DCAF1: variants seen among roughly 807,000 people sequenced by gnomAD.
DCAF1 encodes the protein DDB1- and CUL4-associated factor 1.
A neutral mutation model predicts 128.0 loss-of-function variants in DCAF1; 15 were observed. The observed-to-expected ratio is 0.12, with a 90% CI of 0.08 to 0.18. The LOEUF (loss-of-function observed/expected upper bound fraction) is 0.18. Among genes scored for constraint, DCAF1 ranks in the 10% least tolerant of loss-of-function variants. DCAF1 has a pLI of 1.00. For synonymous variants in DCAF1, 610 were observed against 603.0 expected (o/e 1.01, Z -0.17); for missense variants, 988 against 1,649.5 (o/e 0.60, Z 6.95).
intron 9 of DCAF1, among the ~76,000 whole-genome samples, chr3:51,439,638 T>C (rs769803152): frequency 6.6e-6 from 1 of 152,084 alleles, no homozygotes; most frequent in Non-Finnish European, 1.5e-5. Context: ...ACTCATTTTC[T>C]GGTTTCTATT....
intron 3 of DCAF1, among the ~76,000 whole-genome samples, chr3:51,471,427 C>A (rs527529244): frequency 6.6e-6 from 1 of 151,978 alleles, no homozygotes; most frequent in South Asian, 2.1e-4. Flanking sequence ...TCGTGATCCA[C>A]CCGCCTCAGC....
intron 13 of DCAF1, among the ~76,000 whole-genome samples, chr3:51,422,831 A>G (rs1305425738): frequency 6.6e-6 from 1 of 152,290 alleles, no homozygotes; most frequent in East Asian, 1.9e-4. Flanking sequence ...TAGGAGGCCA[A>G]GGTGGGAGGA....
chr3:51,456,676 C>T (rs1186425487), intron 6 of DCAF1, among the ~76,000 whole-genome samples: 8 of 152,324 alleles, frequency 5.3e-5, no homozygotes, highest in Admixed American at 5.2e-4. Context: ...TAGGGGCGGA[C>T]TGACACCTCA....
At chr3:51,413,416 T>C in intron 20 of DCAF1, 30 bp from the exon 21 acceptor site, 2 of 1,595,524 alleles carry the variant, frequency 1.3e-6, no homozygotes, top group Non-Finnish European at 8.5e-7. Context: ...GGAAACACTA[T>C]TAGGAATCAC....
chr3:51,455,666 A>C (rs1408212870), intron 6 of DCAF1, among the ~76,000 whole-genome samples: 2 of 152,106 alleles, frequency 1.3e-5, no homozygotes, highest in African/African-American at 2.4e-5. Context: ...TGGGAGGCTG[A>C]GGCAGGCAGA....
chr3:51,505,204 C>T, the DCAF1 span, among the ~76,000 whole-genome samples: 1 of 151,736 alleles, frequency 6.6e-6, no homozygotes, highest in Non-Finnish European at 1.5e-5. Context: ...GCGTAGGTTG[C>T]AGTGAGCCGA....
intron 6 of DCAF1, among the ~76,000 whole-genome samples, chr3:51,449,859 A>T (rs1003993667): frequency 2.0e-5 from 3 of 152,188 alleles, no homozygotes; most frequent in African/African-American, 7.2e-5. Context: ...AGAGAATACC[A>T]TATACAATTG....
At chr3:51,463,875 G>C (rs1039305638) in intron 5 of DCAF1, among the ~76,000 whole-genome samples, 2 of 151,940 alleles carry the variant, frequency 1.3e-5, no homozygotes, top group Admixed American at 1.3e-4. Context: ...TTTTTTTACA[G>C]ACAGGGTCTC....
chr3:51,455,924 G>A (rs1050615613), intron 6 of DCAF1, among the ~76,000 whole-genome samples: 1 of 152,008 alleles, frequency 6.6e-6, no homozygotes, highest in Non-Finnish European at 1.5e-5. Flanking sequence ...AAGATCCGGG[G>A]GAGGAGCCAA....
At chr3:51,422,160 C>G in intron 14 of DCAF1, 147 bp downstream of exon 14, 1 of 572,446 alleles carries the variant, frequency 1.7e-6, no homozygotes, top group South Asian at 2.2e-5. Flanking sequence ...CTGAATGGTA[C>G]TCCTTATAAA....
intron 4 of DCAF1, among the ~76,000 whole-genome samples, chr3:51,467,903 G>A (rs1704304911): frequency 6.6e-6 from 1 of 152,122 alleles, no homozygotes; most frequent in Non-Finnish European, 1.5e-5. Context: ...CTATTGATGG[G>A]TGGCCTGGAG....
intron 6 of DCAF1, among the ~76,000 whole-genome samples, chr3:51,445,453 A>G (rs1701762353): frequency 6.6e-6 from 1 of 152,176 alleles, no homozygotes; most frequent in African/African-American, 2.4e-5. Flanking sequence ...TCATCCTCAT[A>G]TCAAGCCTGT....
intron 18 of DCAF1, among the ~76,000 whole-genome samples, chr3:51,416,363 G>A (rs1287485459): frequency 6.6e-6 from 1 of 151,980 alleles, no homozygotes; most frequent in Non-Finnish European, 1.5e-5. Flanking sequence ...TACCCCATCA[G>A]TGATGCTGTC....
chr3:51,437,943 C>A, intron 9 of DCAF1: 1 of 206,388 alleles, frequency 4.8e-6, no homozygotes, highest in South Asian at 6.3e-5. Context: ...CCTGGAAACC[C>A]AAACAAAAGT....
intron 13 of DCAF1, 31 bp from the exon 14 acceptor site, chr3:51,422,462 T>C (rs368125567): frequency 5.3e-5 from 38 of 717,412 alleles, no homozygotes; most frequent in Non-Finnish European, 9.4e-5. Flanking sequence ...AAAGGGAAAT[T>C]AGAGTATAGC....
At chr3:51,499,171 T>C (rs1708556583) in intron 1 of DCAF1, among the ~76,000 whole-genome samples, 2 of 152,230 alleles carry the variant, frequency 1.3e-5, no homozygotes, top group African/African-American at 4.8e-5. Context: ...GTGAAGTTGT[T>C]AAGCAAACGC....
chr3:51,439,700 A>AT (rs1236246115), intron 9 of DCAF1, among the ~76,000 whole-genome samples: 2 of 152,016 alleles, frequency 1.3e-5, no homozygotes, highest in East Asian at 3.9e-4. Flanking sequence ...AGTTTAAAAA[A>AT]TTTTTTTGTG....
At chr3:51,423,230 G>A (rs1387952352) in intron 13 of DCAF1, among the ~76,000 whole-genome samples, 1 of 152,174 alleles carries the variant, frequency 6.6e-6, no homozygotes, top group Admixed American at 6.5e-5. Flanking sequence ...GTGGTCTCAT[G>A]CCTGTAATCC....
In DCAF1 at chr3:51,424,722, G is replaced by GT. The variant is rs1295140486; in HGVS notation, c.1848-2292dup. Among the ~76,000 whole-genome samples, 5 of 152,080 alleles carry GT rather than the reference G, an allele frequency of 3.3e-5. No individual in the cohort carries two copies. The South Asian group carries it at 6.2e-4, about 19-fold the overall frequency. ...ATATATAAATCTCAAGAATATAAGGGTAAAAAAAGCAAGCTGTGAAAGATG... is the reference window on the plus strand; with the variant it reads ...ATATATAAATCTCAAGAATATAAGGGTTAAAAAAAGCAAGCTGTGAAAGATG... On this transcript the variant is annotated intron_variant, in intron 13 of 24. Transcript: ENST00000684031.
Sources: gnomAD v4.1 joint callset for allele counts (sites outside exome capture counted in the v4.1 genomes callset) on GRCh38, gnomAD v4.1.1 for gene constraint, MANE v1.5 for transcripts, NCBI Gene and HGNC (gene_info 2026-07-23, HGNC 2026-07-21) for gene names.